The following KDM4C variants were observed in gnomAD, a reference collection of about 807,000 sequenced individuals.
KDM4C encodes the protein lysine demethylase 4C, also known as lysine-specific demethylase 4C.
In KDM4C, 81 loss-of-function variants were observed where a neutral mutation model predicts 129.3. That is an observed-to-expected ratio of 0.63 (90% CI 0.52 to 0.75). KDM4C has a LOEUF of 0.75. Ranked by LOEUF, KDM4C falls within the 30% of genes least tolerant of loss-of-function variation. The pLI, the probability that KDM4C is intolerant of heterozygous loss-of-function variation, is 0.00. For missense variants in KDM4C, 1,457 were observed against 1,304.0 expected, an observed-to-expected ratio of 1.12 and a Z score of -1.81; for synonymous variants, 573 against 456.1, an observed-to-expected ratio of 1.26 and a Z score of -3.26.
intron 19 of KDM4C, among the ~76,000 whole-genome samples, chr9:7,163,491 A>C (rs1038276425): frequency 3.3e-5 from 5 of 152,186 alleles, no homozygotes; most frequent in Non-Finnish European, 7.4e-5. Flanking sequence ...TGTATTACCC[A>C]AGTGGAGATC....
intron 8 of KDM4C, among the ~76,000 whole-genome samples, chr9:6,910,406 A>C (rs1472468530): frequency 1.3e-5 from 2 of 152,220 alleles, no homozygotes; most frequent in Non-Finnish European, 2.9e-5. Context: ...TTATTAGAGA[A>C]AATTAAAGCA....
chr9:6,990,650 A>T (rs1483267198), intron 12 of KDM4C, 126 bp downstream of exon 12: 1 of 617,158 alleles, frequency 1.6e-6, no homozygotes, highest in Admixed American at 3.1e-5. Context: ...TTAGGAGATC[A>T]TACATAATAA....
intron 19 of KDM4C, among the ~76,000 whole-genome samples, chr9:7,162,414 T>A (rs185359889): frequency 6.6e-5 from 10 of 152,294 alleles, no homozygotes; most frequent in Admixed American, 5.9e-4. Context: ...CAATGCTGGA[T>A]TAAGATTTCC....
intron 4 of KDM4C, among the ~76,000 whole-genome samples, chr9:6,815,819 A>G (rs1366804734): frequency 6.6e-6 from 1 of 152,226 alleles, no homozygotes; most frequent in East Asian, 1.9e-4. Flanking sequence ...CATTATGGGT[A>G]AGGGATACTT....
chr9:7,062,685 C>G (rs1831874292), intron 17 of KDM4C, among the ~76,000 whole-genome samples: 2 of 152,072 alleles, frequency 1.3e-5, no homozygotes, highest in Admixed American at 6.5e-5. Flanking sequence ...TGCCCAGCCC[C>G]CTTTTTTTTT....
intron 21 of KDM4C, among the ~76,000 whole-genome samples, chr9:7,173,230 G>T (rs1353261955): frequency 6.6e-6 from 1 of 152,246 alleles, no homozygotes; most frequent in Non-Finnish European, 1.5e-5. Context: ...GGACCCTTAA[G>T]CTTGCCGAGG....
intron 11 of KDM4C, among the ~76,000 whole-genome samples, chr9:6,989,825 T>G (rs1002784194): frequency 6.6e-6 from 1 of 152,146 alleles, no homozygotes; most frequent in Non-Finnish European, 1.5e-5. Context: ...CCCAGGCTGT[T>G]GTGCAGTGGC....
intron 4 of KDM4C, among the ~76,000 whole-genome samples, chr9:6,848,474 C>G (rs1046146676): frequency 4.6e-5 from 7 of 152,068 alleles, no homozygotes; most frequent in African/African-American, 1.7e-4. Context: ...CGAGACCAGC[C>G]TAGGCAACAT....
chr9:7,161,386 A>G (rs192463648), intron 19 of KDM4C, among the ~76,000 whole-genome samples: 2 of 152,118 alleles, frequency 1.3e-5, no homozygotes, highest in Non-Finnish European at 2.9e-5. Flanking sequence ...TCAGTTGGAA[A>G]TGCAGAGATC....
intron 1 of KDM4C, among the ~76,000 whole-genome samples, chr9:6,765,556 CTTCTA>C (rs1037501542): frequency 7.2e-5 from 11 of 152,140 alleles, no homozygotes; most frequent in East Asian, 5.8e-4. Context: ...TTTTTATTTC[CTTCTA>C]TTCTATATAG....
intron 19 of KDM4C, among the ~76,000 whole-genome samples, chr9:7,132,707 G>A (rs1840775291): frequency 6.6e-6 from 1 of 152,120 alleles, no homozygotes; most frequent in Admixed American, 6.5e-5. Context: ...AAGATTCCAG[G>A]GTCTCTGTTA....
At chr9:6,997,320 C>T (rs945757135) in intron 12 of KDM4C, among the ~76,000 whole-genome samples, 7 of 152,148 alleles carry the variant, frequency 4.6e-5, no homozygotes, top group Non-Finnish European at 8.8e-5. Context: ...ACATGCGGAG[C>T]TGGAGCCTTA....
At chr9:6,873,121 C>G (rs111524545) in intron 5 of KDM4C, among the ~76,000 whole-genome samples, 1 of 152,188 alleles carries the variant, frequency 6.6e-6, no homozygotes, top group Non-Finnish European at 1.5e-5. Flanking sequence ...CCCAGACTCC[C>G]GATTAGCTGA....
At chr9:7,018,623 A>T (rs1274152308) in intron 15 of KDM4C, among the ~76,000 whole-genome samples, 1 of 152,210 alleles carries the variant, frequency 6.6e-6, no homozygotes, top group African/African-American at 2.4e-5. Context: ...TCTCTGTTCC[A>T]TCCACAGTTA....
upstream of KDM4C, among the ~76,000 whole-genome samples, chr9:6,755,913 C>G (rs117182124): frequency 4.9e-3 from 749 of 152,246 alleles, 7 homozygotes; most frequent in Non-Finnish European, 7.4e-3. Flanking sequence ...AGTGTTTTGA[C>G]ATTTTACATT....
At chr9:7,014,615 CAT>C (rs1377109606) in intron 14 of KDM4C, among the ~76,000 whole-genome samples, 1 of 152,108 alleles carries the variant, frequency 6.6e-6, no homozygotes, top group Non-Finnish European at 1.5e-5. Flanking sequence ...AAAGGGATCT[CAT>C]ATAATACAAC....
intron 2 of KDM4C, among the ~76,000 whole-genome samples, chr9:6,799,173 C>G (rs911511570): frequency 2.6e-5 from 4 of 152,132 alleles, no homozygotes; most frequent in Non-Finnish European, 5.9e-5. Flanking sequence ...GGCGGCCGGG[C>G]AGAGGCTGCA....
intron 8 of KDM4C, among the ~76,000 whole-genome samples, chr9:6,917,810 C>T (rs142023872): frequency 1.3e-5 from 2 of 152,282 alleles, no homozygotes; most frequent in East Asian, 1.9e-4. Flanking sequence ...CTTGAACTCC[C>T]ATTCTTTTAC....
At chr9:6,990,193 G>A (rs988963566) in intron 11 of KDM4C, among the ~76,000 whole-genome samples, 2 of 152,142 alleles carry the variant, frequency 1.3e-5, no homozygotes, top group Non-Finnish European at 2.9e-5. Flanking sequence ...ATACAAAGTG[G>A]AAGAAGAATT....
Sources: allele counts gnomAD v4.1 joint callset (sites outside exome capture counted in the v4.1 genomes callset), GRCh38; gene constraint gnomAD v4.1.1; transcripts MANE v1.5; gene names NCBI Gene and HGNC (gene_info 2026-07-23, HGNC 2026-07-21).